Variants in SELENOI observed in about 807,000 individuals in gnomAD.
SELENOI encodes the protein selenoprotein I, also known as ethanolaminephosphotransferase 1.
Under a neutral mutation model 50.7 loss-of-function variants are expected in SELENOI, and 24 were observed. That is an observed-to-expected ratio of 0.47 (90% CI 0.34 to 0.67). The LOEUF (loss-of-function observed/expected upper bound fraction) is 0.67. Among genes scored for constraint, SELENOI ranks in the 30% least tolerant of loss-of-function variants. SELENOI has a pLI of 0.01. For synonymous variants in SELENOI, 155 were observed against 170.2 expected, an observed-to-expected ratio of 0.91 and a Z score of 0.70; for missense variants, 352 against 461.4, an observed-to-expected ratio of 0.76 and a Z score of 2.17.
chr2:26,366,513 G>A (rs745435684), intron 3 of SELENOI, among the ~76,000 whole-genome samples: 6 of 152,092 alleles, frequency 3.9e-5, no homozygotes, highest in Non-Finnish European at 8.8e-5. Context: ...TAAACCATCT[G>A]TTCCCAAAAT....
intron 6 of SELENOI, among the ~76,000 whole-genome samples, chr2:26,380,780 C>T (rs149396785): frequency 6.6e-6 from 1 of 152,098 alleles, no homozygotes; most frequent in Non-Finnish European, 1.5e-5. Context: ...ACAGTTTTAC[C>T]AACATAGTAT....
At chr2:26,364,164 G>T (rs575413270) in intron 1 of SELENOI, 138 bp from the exon 2 acceptor site, 5 of 576,164 alleles carry the variant, frequency 8.7e-6, no homozygotes, top group South Asian at 3.9e-5. Flanking sequence ...TGATCCTCAG[G>T]CCTCAGCCTT....
rs1677921547 is a variant in SELENOI, at chr2:26,389,743, A to G, written c.*640A>G. ...TTTAATTTTCTCCTAAAGAGAAATA[A>G]TCAGTTGAGAATTTGAGAATGGGTT... On this transcript the variant is annotated 3_prime_UTR_variant, in exon 10 of 10. Coordinates refer to ENST00000260585, the MANE Select transcript of SELENOI (RefSeq NM_033505.4). The G allele has an allele frequency of 1.3e-5, 2 of 152,534 alleles. No homozygotes were observed. The highest frequency in any genetic ancestry group is 2.1e-4 in the South Asian group (1 of 4,820). The allele number at this position is 152,534 out of a possible 1,614,324, so 9.4% of individuals were successfully genotyped here.
At chr2:26,350,332 C>A (rs1395247449) in intron 1 of SELENOI, among the ~76,000 whole-genome samples, 1 of 152,074 alleles carries the variant, frequency 6.6e-6, no homozygotes, top group Non-Finnish European at 1.5e-5. Context: ...CTTACTAGTT[C>A]CTGAAAATTT....
intron 1 of SELENOI, among the ~76,000 whole-genome samples, chr2:26,354,417 C>T (rs535019579): frequency 1.8e-3 from 276 of 152,158 alleles, no homozygotes; most frequent in Non-Finnish European, 3.4e-3. Context: ...TCGAGACTCT[C>T]GCTCTGTCGC....
rs1351263621 is a variant in SELENOI at position 26,393,374 on chromosome 2, AATCTATCTACTTTTTTTAAAGCAGGG to A, written c.*4276_*4301del. On this transcript the variant is annotated 3_prime_UTR_variant, in exon 10 of 10. Transcript: ENST00000260585. ...AGTAAACAAATATGCAATAGATAGT[AATCTATCTACTTTTTTTAAAGCAGGG>A]ATCTGCTCCCTATCTAGACAGATCT... The A allele has an allele frequency of 6.6e-6, 1 of 152,634 alleles. No homozygotes were observed. Among genetic ancestry groups the A allele is most frequent in the East Asian group, 1.9e-4 (1 of 5,196 alleles). 9.5% of individuals were successfully genotyped at this position (152,634 alleles called of 1,614,324 possible). A position where few individuals can be genotyped will look rare whatever the true frequency, so the allele number is the denominator to read the frequency against.
rs186876913 is a variant in SELENOI, at chr2:26,386,662, G to C, written c.1095+126G>C. The C allele has an allele frequency of 8.1e-6, 6 of 738,458 alleles. No homozygotes were observed. In the East Asian group the frequency reaches 1.6e-4, roughly 19 times the overall value. 45.7% of individuals were successfully genotyped at this position (738,458 alleles called of 1,614,324 possible). ...AGTTGCTTATTATAGTAGCTGTAAG[G>C]GTTTTGGGATATTCTCTAAATTTTG... On this transcript the variant is annotated intron_variant, in intron 9 of 9. Coordinates refer to ENST00000260585, the MANE Select transcript of SELENOI (RefSeq NM_033505.4).
At chr2:26,386,305 A>G (rs755779608) in intron 8 of SELENOI, 49 bp from the exon 9 acceptor site, 5 of 1,557,026 alleles carry the variant, frequency 3.2e-6, no homozygotes, top group Non-Finnish European at 4.4e-6. Flanking sequence ...GTGCTTTGCT[A>G]ATGAAATTTT....
chr2:26,373,542 A>G lies in SELENOI; in HGVS notation c.486A>G (p.Val162=), dbSNP rs551351937. Residue 162 remains valine (V), a synonymous_variant, in exon 5 of 10, where the codon GTA becomes GTG. Coordinates refer to ENST00000260585, the MANE Select transcript of SELENOI (RefSeq NM_033505.4). ...TTGTTCTTTATCTCCTGCTATGGGT[A>G]GTTTTGTTTTCTTTCATCCTGTCCC... ...SVFVLYLLLW[V]VLFSFILSHW... is the part of the protein sequence containing the mutation. The G allele has an allele frequency of 2.5e-6, 4 of 1,613,856 alleles. No individual in the cohort carries two copies. The highest frequency in any genetic ancestry group is 4.5e-5 in the East Asian group (2 of 44,872).
intron 1 of SELENOI, among the ~76,000 whole-genome samples, chr2:26,348,795 A>G (rs1379641311): frequency 2.0e-5 from 3 of 151,608 alleles, no homozygotes; most frequent in Admixed American, 2.0e-4. Flanking sequence ...AAAAGAATCA[A>G]CCATTTTGGA....
intron 6 of SELENOI, 145 bp from the exon 7 acceptor site, chr2:26,383,154 G>A (rs1572337032): frequency 1.9e-6 from 1 of 519,058 alleles, no homozygotes; most frequent in East Asian, 3.4e-5. Flanking sequence ...TGTAAATGTT[G>A]TTTATAAATG....
intron 1 of SELENOI, among the ~76,000 whole-genome samples, chr2:26,348,972 TACCCA>T (rs1676886365): frequency 6.8e-6 from 1 of 148,010 alleles, no homozygotes. Flanking sequence ...TTTTTGCCTC[TACCCA>T]TCCTTTGTTT....
At chr2:26,361,460 G>GTC (rs1206516018) in intron 1 of SELENOI, among the ~76,000 whole-genome samples, 10 of 152,156 alleles carry the variant, frequency 6.6e-5, no homozygotes, top group African/African-American at 1.9e-4. Flanking sequence ...TGTGAATTTG[G>GTC]TCTCTCTCTC....
chr2:26,385,165 AT>A (rs752540157), intron 8 of SELENOI, 26 bp downstream of exon 8: 1 of 1,316,866 alleles, frequency 7.6e-7, no homozygotes, highest in South Asian at 1.6e-5. Flanking sequence ...TTTAAAAATC[AT>A]AATATATATT....
At chr2:26,348,261 A>G (rs1037475597) in intron 1 of SELENOI, among the ~76,000 whole-genome samples, 1 of 152,226 alleles carries the variant, frequency 6.6e-6, no homozygotes, top group Non-Finnish European at 1.5e-5. Flanking sequence ...TTTTTTCCCC[A>G]TAAATGGGTA....
At chr2:26,360,789 T>A (rs1379260570) in intron 1 of SELENOI, among the ~76,000 whole-genome samples, 1 of 151,524 alleles carries the variant, frequency 6.6e-6, no homozygotes, top group Admixed American at 6.6e-5. Context: ...ATTGGCAGCC[T>A]GTAGGGGTTC....
chr2:26,386,652 T>A, intron 9 of SELENOI, 116 bp downstream of exon 9: 2 of 836,722 alleles, frequency 2.4e-6, no homozygotes, highest in Non-Finnish European at 3.4e-6. Context: ...CTTATTATAG[T>A]AGCTGTAAGG....
Position 26,390,981 on chromosome 2 carries a change from G to T in SELENOI, c.*1878G>T, listed in dbSNP as rs545833933. 5 of 152,128 alleles carry T rather than the reference G, an allele frequency of 3.3e-5. No homozygotes were observed. The highest frequency in any genetic ancestry group is 5.9e-5 in the Non-Finnish European group (4 of 68,018). The allele number at this position is 152,128 out of a possible 1,614,324, so 9.4% of individuals were successfully genotyped here. On this transcript the variant is annotated 3_prime_UTR_variant, in exon 10 of 10. Transcript: ENST00000260585. Reference sequence around the variant, plus strand: ...AATGAGATTAATCTGTATTATATAAGAAAAGAACTGATAAATATTTATAAA... The same window carrying T: ...AATGAGATTAATCTGTATTATATAATAAAAGAACTGATAAATATTTATAAA...
At chr2:26,373,670 A>G (rs1296840282) in intron 5 of SELENOI, 41 bp downstream of exon 5, 1 of 1,584,148 alleles carries the variant, frequency 6.3e-7, no homozygotes, top group Admixed American at 1.8e-5. Flanking sequence ...TATTACCATG[A>G]TACTTTTGGA....
Sources: gnomAD v4.1 joint callset for allele counts (sites outside exome capture counted in the v4.1 genomes callset) on GRCh38, gnomAD v4.1.1 for gene constraint, MANE v1.5 for transcripts, NCBI Gene and HGNC (gene_info 2026-07-23, HGNC 2026-07-21) for gene names.